The following AGBL5 variants were observed in gnomAD, a reference collection of about 807,000 sequenced individuals.
AGBL5 encodes the protein AGBL carboxypeptidase 5, also known as cytosolic carboxypeptidase-like protein 5.
AGBL5 carries 51 observed loss-of-function variants against 88.0 expected under a neutral mutation model. The ratio of observed to expected loss-of-function variants is 0.58; its 90% CI spans 0.46 to 0.73. The LOEUF is 0.73. Ranked by LOEUF, AGBL5 falls within the 30% of genes least tolerant of loss-of-function variation. AGBL5 has a pLI of 0.00. For missense variants in AGBL5, 1,031 were observed against 1,162.2 expected (o/e 0.89, Z 1.64); for synonymous variants, 446 against 438.8 (o/e 1.02, Z -0.21).
upstream of AGBL5, chr2:27,051,475 G>A (rs753410667): frequency 5.6e-4 from 85 of 152,340 alleles, no homozygotes; most frequent in Non-Finnish European, 1.1e-3. Flanking sequence ...CAGGCAGGCC[G>A]TTAACCGTCT....
chr2:27,067,442 C>T (rs1669045677), intron 11 of AGBL5, 52 bp from the exon 12 acceptor site: 2 of 1,583,256 alleles, frequency 1.3e-6, no homozygotes, highest in Non-Finnish European at 1.7e-6. Context: ...AAGGCTGCCT[C>T]ATAGTGCCCC....
intron 9 of AGBL5, among the ~76,000 whole-genome samples, chr2:27,057,938 T>C (rs1226701237): frequency 6.6e-6 from 1 of 152,104 alleles, no homozygotes; most frequent in Non-Finnish European, 1.5e-5. Context: ...TAACTGGGCA[T>C]AGTGGCACAT....
At chr2:27,069,739 C>T (rs1669185312) in intron 14 of AGBL5, 33 bp downstream of exon 14, 2 of 1,587,548 alleles carry the variant, frequency 1.3e-6, no homozygotes, top group South Asian at 1.1e-5. Flanking sequence ...TCACACCACC[C>T]CTCACTTCTG....
chr2:27,054,118 C>T, intron 4 of AGBL5, 59 bp downstream of exon 4: 1 of 1,525,830 alleles, frequency 6.6e-7, no homozygotes, highest in Non-Finnish European at 8.8e-7. Flanking sequence ...ACCTCCACTA[C>T]TTCTGGAATT....
chr2:27,063,076 G>C (rs568767093), intron 11 of AGBL5, among the ~76,000 whole-genome samples: 73 of 152,332 alleles, frequency 4.8e-4, no homozygotes, highest in South Asian at 4.1e-3. Context: ...ATCTGGAAAA[G>C]AGAGATAAGT....
In AGBL5 at chr2:27,053,814, A is replaced by G; in HGVS notation, c.388-82A>G. ...AGTTGGTAAAGGTGATAAGGGTGTG[A>G]GGTCAGTTCCTGGTGGTCCCAGTAG... On this transcript the variant is annotated intron_variant, in intron 3 of 14. Transcript: ENST00000360131. The surrounding 1 kb of genome is among the most constrained non-coding windows in gnomAD (Gnocchi z 4.9). The G allele has an allele frequency of 6.6e-7, 1 of 1,515,674 alleles. No individual in the cohort carries two copies. Among genetic ancestry groups the G allele is most frequent in the Non-Finnish European group, 8.9e-7 (1 of 1,123,900 alleles). 93.9% of individuals were successfully genotyped at this position (1,515,674 alleles called of 1,614,324 possible). A position where few individuals can be genotyped will look rare whatever the true frequency, so the allele number is the denominator to read the frequency against.
Position 27,054,097 on chromosome 2 carries a change from G to C in AGBL5, c.551+38G>C, listed in dbSNP as rs1267399238. Reference sequence around the variant, plus strand: ...TTCTTACTCCTGCCACACAGTCCTGGATCAGACAGCACCTCCACTACTTCT... The same window carrying C: ...TTCTTACTCCTGCCACACAGTCCTGCATCAGACAGCACCTCCACTACTTCT... On this transcript the variant is annotated intron_variant, in intron 4 of 14. Coordinates refer to ENST00000360131, the MANE Select transcript of AGBL5 (RefSeq NM_021831.6). 8.3e-6 allele frequency: 13 copies of C among 1,568,618 alleles called. 1 individual carries two copies. The highest frequency in any genetic ancestry group is 1.1e-5 in the Non-Finnish European group (13 of 1,155,056).
At chr2:27,060,148 C>CA (rs1039777743) in intron 11 of AGBL5, among the ~76,000 whole-genome samples, 26 of 151,868 alleles carry the variant, frequency 1.7e-4, no homozygotes, top group Admixed American at 4.6e-4. Context: ...GACTCTGCCT[C>CA]AAAAAAAGAA....
At chr2:27,069,727 C>T in intron 14 of AGBL5, 21 bp downstream of exon 14, 1 of 1,600,222 alleles carries the variant, frequency 6.2e-7, no homozygotes, top group African/African-American at 1.3e-5. Flanking sequence ...GGGTCCAGTC[C>T]CTCACACCAC....
chr2:27,066,854 G>T lies in AGBL5; in HGVS notation c.2090-640G>T, dbSNP rs565020815. ...AATCCCAGCACTGTGGGAAGCCAAG[G>T]CGGGTGGATCAGAAGGTCAGGGGTT... On this transcript the variant is annotated intron_variant, in intron 11 of 14. Coordinates refer to ENST00000360131, the MANE Select transcript of AGBL5 (RefSeq NM_021831.6). 7.4e-4 allele frequency among the ~76,000 whole-genome samples: 113 copies of T among 152,288 alleles called. 1 individual carries two copies. In the South Asian group the frequency reaches 8.3e-3, roughly 11 times the overall value.
intron 7 of AGBL5, 176 bp from the exon 8 acceptor site, chr2:27,056,447 G>T: frequency 3.0e-6 from 2 of 664,310 alleles, no homozygotes; most frequent in Non-Finnish European, 4.8e-6. Context: ...AAAAAGAATT[G>T]CTTCCCAACA....
rs539956789 is a variant in AGBL5 at position 27,056,325 on chromosome 2, C to T, written c.1365+187C>T. ...CAGGGGGATAATGTCTCAATTGTTA[C>T]ATCATGACCTTTTATTAAGGAAAGC... On this transcript the variant is annotated intron_variant, in intron 7 of 14. Transcript: ENST00000360131. The T allele has an allele frequency of 2.4e-4, 157 of 642,250 alleles. 2 individuals carry two copies. In the South Asian group the frequency reaches 3.0e-3, roughly 12 times the overall value. 39.8% of individuals were successfully genotyped at this position (642,250 alleles called of 1,614,324 possible).
Position 27,057,327 on chromosome 2 carries a change from C to T in AGBL5, c.1560C>T (p.Asn520=). The change falls in exon 9 of 15, where the codon AAC becomes AAT. Residue 520 remains asparagine, a synonymous_variant. Transcript: ENST00000360131. ...IHSYTLECNY[N]TGRSVNSIPA... ...GCTACACACTTGAATGCAACTACAACACTGGACGCTCAGTAAACAGCATCC... is the reference window on the plus strand; with the variant it reads ...GCTACACACTTGAATGCAACTACAATACTGGACGCTCAGTAAACAGCATCC... 2 of 1,613,904 alleles carry T rather than the reference C, an allele frequency of 1.2e-6. No homozygotes were observed. Among genetic ancestry groups the T allele is most frequent in the South Asian group, 1.1e-5 (1 of 91,024 alleles).
Position 27,055,056 on chromosome 2 carries a change from GCTCTC to G in AGBL5, c.730-13_730-9del. The G allele has an allele frequency of 6.2e-7, 1 of 1,611,272 alleles. No individual in the cohort carries two copies. Among genetic ancestry groups the G allele is most frequent in the Non-Finnish European group, 8.5e-7 (1 of 1,177,590 alleles). On this transcript the variant is annotated splice_polypyrimidine_tract_variant and intron_variant, in intron 5 of 14. Coordinates refer to ENST00000360131, the MANE Select transcript of AGBL5 (RefSeq NM_021831.6). ...CTACAGGGTAACTGACTTAATGTCTGCTCTCCTCTCTACCTCAGATATTCTTCTTA... is the reference window on the plus strand; with the variant it reads ...CTACAGGGTAACTGACTTAATGTCTGCTCTCTACCTCAGATATTCTTCTTA...
At chr2:27,063,518 C>A (rs1048926824) in intron 11 of AGBL5, among the ~76,000 whole-genome samples, 2 of 151,794 alleles carry the variant, frequency 1.3e-5, no homozygotes, top group African/African-American at 4.8e-5. Flanking sequence ...TGGCGTGAAC[C>A]CAGGAGGCGG....
chr2:27,069,762 C>G (rs1669187133), intron 14 of AGBL5, 56 bp downstream of exon 14: 1 of 1,557,356 alleles, frequency 6.4e-7, no homozygotes, highest in Admixed American at 1.9e-5. Context: ...CCCTCATTCC[C>G]ATTTCTGTCA....
In AGBL5 at chr2:27,053,985, C is replaced by T. The variant is rs1668304739; in HGVS notation, c.477C>T (p.Phe159=). The T allele has an allele frequency of 1.9e-6, 3 of 1,614,176 alleles. No homozygotes were observed. Among genetic ancestry groups the T allele is most frequent in the Non-Finnish European group, 1.7e-6 (2 of 1,180,004 alleles). The change falls in exon 4 of 15, where the codon TTC becomes TTT. Residue 159 remains phenylalanine, a synonymous_variant. Transcript: ENST00000360131. This position sits in a 1 kb window ranked among gnomAD's most constrained non-coding sequence, Gnocchi z 4.9. Reference sequence around the variant, plus strand: ...CCTTCTTCGCCTTCTGCTACCCCTTCTCCTACAGTGACTGCCAGGAACTGC... The same window carrying T: ...CCTTCTTCGCCTTCTGCTACCCCTTTTCCTACAGTGACTGCCAGGAACTGC... ...ATTFFAFCYP[F]SYSDCQELLN...
At position 27,056,690 on chromosome 2, in the gene AGBL5, A is replaced by G. The variant is rs569562079; in HGVS notation, c.1433A>G (p.Asn478Ser). The change falls in exon 8 of 15, where the codon AAT (asparagine) becomes AGT (serine). Residue 478 changes from asparagine to serine, a missense_variant. Physicochemically the swap from Asn to Ser is conservative, Grantham distance 46. Coordinates refer to ENST00000360131, the MANE Select transcript of AGBL5 (RefSeq NM_021831.6). ...GCCCACTTCGACTTCCAGGGCTGCA[A>G]TTTCTCAGAGAAGAATATGTATGCC... ...NSAHFDFQGC[N>S]FSEKNMYARD... 75 of 1,613,526 alleles carry G rather than the reference A, an allele frequency of 4.6e-5. No homozygotes were observed. Among genetic ancestry groups the G allele is most frequent in the South Asian group, 3.0e-4 (27 of 91,042 alleles).
At chr2:27,068,908 T>G in intron 13 of AGBL5, 164 bp downstream of exon 13, 6 of 1,493,542 alleles carry the variant, frequency 4.0e-6, no homozygotes, top group Non-Finnish European at 4.5e-6. Flanking sequence ...TCCAGTCCCC[T>G]TCCTGCCCTC....
Sources: gnomAD v4.1 joint callset for allele counts (sites outside exome capture counted in the v4.1 genomes callset) on GRCh38, gnomAD v4.1.1 for gene constraint, Gnocchi (gnomAD v3.1) non-coding constraint, MANE v1.5 for transcripts, NCBI Gene and HGNC (gene_info 2026-07-23, HGNC 2026-07-21) for gene names.